Variants in VPS54 observed in about 807,000 individuals in gnomAD.
VPS54 encodes the protein VPS54 subunit of GARP complex, also known as vacuolar protein sorting-associated protein 54.
VPS54 carries 45 observed loss-of-function variants against 121.5 expected under a neutral mutation model. That is an observed-to-expected ratio of 0.37 (90% CI 0.29 to 0.47). The LOEUF is 0.47. Ranked by LOEUF, VPS54 falls within the 20% of genes least tolerant of loss-of-function variation. The pLI, the probability that VPS54 is intolerant of heterozygous loss-of-function variation, is 0.99. For missense variants in VPS54, 1,090 were observed against 1,131.4 expected, an observed-to-expected ratio of 0.96 and a Z score of 0.52; for synonymous variants, 371 against 385.8, an observed-to-expected ratio of 0.96 and a Z score of 0.45.
chr2:63,901,928 T>A (rs1469077203), intron 20 of VPS54, among the ~76,000 whole-genome samples: 1 of 152,124 alleles, frequency 6.6e-6, no homozygotes, highest in Non-Finnish European at 1.5e-5. Flanking sequence ...GGCAGCAGAA[T>A]TGCTTGAACC....
rs555790358 is a variant in VPS54, at chr2:63,965,042, G to C, written c.624+793C>G. 1.3e-3 allele frequency among the ~76,000 whole-genome samples: 203 copies of C among 152,182 alleles called. 1 individual carries two copies. The highest frequency in any genetic ancestry group is 4.7e-3 in the African/African-American group (196 of 41,518). On this transcript the variant is annotated intron_variant, in intron 6 of 22. Coordinates refer to ENST00000272322, the MANE Select transcript of VPS54 (RefSeq NM_016516.3). ...TGACTAGTAACATGTAAAAGACTAG[G>C]CTTTGCAAAGCTACAAAAACAATAG...
chr2:63,908,065 G>C (rs181819739), intron 20 of VPS54, among the ~76,000 whole-genome samples: 2 of 152,082 alleles, frequency 1.3e-5, no homozygotes, highest in Admixed American at 1.3e-4. Context: ...CTTATTCCAA[G>C]GTATTTATAC....
chr2:63,963,266 T>C (rs1161533783), intron 6 of VPS54, among the ~76,000 whole-genome samples: 4 of 152,044 alleles, frequency 2.6e-5, no homozygotes, highest in African/African-American at 9.7e-5. Flanking sequence ...CTCATATATA[T>C]TTTTTTAGTA....
intron 1 of VPS54, among the ~76,000 whole-genome samples, chr2:63,991,235 T>C (rs1164182426): frequency 1.3e-5 from 2 of 152,214 alleles, no homozygotes; most frequent in Non-Finnish European, 2.9e-5. Flanking sequence ...CATGATGAAT[T>C]ATACCCTGAT....
At chr2:63,928,304 C>T (rs909655116) in intron 12 of VPS54, among the ~76,000 whole-genome samples, 1 of 152,216 alleles carries the variant, frequency 6.6e-6, no homozygotes, top group Non-Finnish European at 1.5e-5. Context: ...ATCAGACTAA[C>T]AGCGGATGTC....
chr2:63,932,074 C>G (rs148549062), intron 12 of VPS54, among the ~76,000 whole-genome samples: 5,304 of 152,222 alleles, frequency 0.035, 215 homozygotes, highest in African/African-American at 0.1. Context: ...TTAATTAGTT[C>G]AACCATTGTG....
chr2:63,901,344 A>G (rs1476398682), intron 20 of VPS54, among the ~76,000 whole-genome samples: 1 of 152,240 alleles, frequency 6.6e-6, no homozygotes, highest in African/African-American at 2.4e-5. Flanking sequence ...AGAAGAGGTA[A>G]CCACAAGAGA....
At chr2:63,971,088 G>T (rs1676264343) in intron 4 of VPS54, among the ~76,000 whole-genome samples, 1 of 152,096 alleles carries the variant, frequency 6.6e-6, no homozygotes, top group South Asian at 2.1e-4. Context: ...AGTTGTCCAA[G>T]CAAGAAACCT....
intron 12 of VPS54, among the ~76,000 whole-genome samples, chr2:63,932,534 A>G (rs1005058733): frequency 6.6e-6 from 1 of 152,108 alleles, no homozygotes; most frequent in Non-Finnish European, 1.5e-5. Context: ...GAGGGATAAC[A>G]TTAGGAGAAA....
At chr2:63,936,919 A>G (rs920580924) in intron 11 of VPS54, among the ~76,000 whole-genome samples, 4 of 152,188 alleles carry the variant, frequency 2.6e-5, no homozygotes, top group African/African-American at 4.8e-5. Flanking sequence ...TTTTCAACAA[A>G]TGATACTCGG....
intron 1 of VPS54, among the ~76,000 whole-genome samples, chr2:63,986,571 GAT>G (rs1192580382): frequency 6.6e-6 from 1 of 152,150 alleles, no homozygotes; most frequent in African/African-American, 2.4e-5. Flanking sequence ...AATAAATATG[GAT>G]ATCTCTTCAA....
intron 20 of VPS54, among the ~76,000 whole-genome samples, chr2:63,902,964 T>C (rs1672746245): frequency 6.8e-6 from 1 of 146,884 alleles, no homozygotes; most frequent in African/African-American, 2.5e-5. Flanking sequence ...TGAGACTGTC[T>C]CAAAAAATAA....
intron 2 of VPS54, among the ~76,000 whole-genome samples, chr2:63,982,724 C>T (rs984471007): frequency 5.3e-5 from 8 of 152,276 alleles, no homozygotes; most frequent in Admixed American, 1.3e-4. Flanking sequence ...TTTAGCACTG[C>T]GCTTAGGGGC....
chr2:64,000,884 G>A (rs751805851), intron 1 of VPS54, among the ~76,000 whole-genome samples: 13 of 152,110 alleles, frequency 8.5e-5, no homozygotes, highest in Non-Finnish European at 1.6e-4. Flanking sequence ...CCTGGCTACC[G>A]CCTATGTTTG....
rs140124468 is a variant in VPS54, at chr2:63,913,089, G to GTT, written c.2422+133_2422+134insAA. 6.1e-3 allele frequency: 4,179 copies of GTT among 681,014 alleles called. 115 individuals carry two copies. The highest frequency in any genetic ancestry group is 0.059 in the African/African-American group (3,100 of 52,970). The allele number at this position is 681,014 out of a possible 1,614,324, so 42.2% of individuals were successfully genotyped here. The stretch of plus-strand genomic sequence containing the variant: ...TTCAGTGATGAGTATACATAAAAGA[G>GTT]TAAGTAGCATTTATTTTTAGAGTAA... On this transcript the variant is annotated intron_variant, in intron 18 of 22. Coordinates refer to ENST00000272322, the MANE Select transcript of VPS54 (RefSeq NM_016516.3).
intron 4 of VPS54, among the ~76,000 whole-genome samples, chr2:63,970,210 TATACAC>T (rs1300236844): frequency 2.6e-4 from 26 of 101,594 alleles, no homozygotes; most frequent in East Asian, 6.7e-4. Context: ...AAAATATATA[TATACAC>T]ACACACACAC....
At chr2:63,991,342 T>C (rs1677307359) in intron 1 of VPS54, among the ~76,000 whole-genome samples, 1 of 152,214 alleles carries the variant, frequency 6.6e-6, no homozygotes, top group African/African-American at 2.4e-5. Context: ...ATGTGAACCA[T>C]GAGTGTAAAA....
intron 17 of VPS54, 141 bp from the exon 18 acceptor site, chr2:63,913,451 C>A (rs948941699): frequency 4.3e-6 from 2 of 469,188 alleles, no homozygotes; most frequent in East Asian, 7.1e-5. Flanking sequence ...CAATTAGTAT[C>A]TATTTATTTA....
Position 63,909,413 on chromosome 2 carries a change from CTTTTTTTT to C in VPS54, c.2625+2924_2625+2931del, listed in dbSNP as rs5831673. Among the ~76,000 whole-genome samples, 193 of 69,940 alleles carry C rather than the reference CTTTTTTTT, an allele frequency of 2.8e-3. 1 individual carries two copies. The highest frequency in any genetic ancestry group is 3.8e-3 in the Admixed American group (20 of 5,266). 45.9% of individuals were successfully genotyped at this position (69,940 alleles called of 152,430 possible). A position where few individuals can be genotyped will look rare whatever the true frequency, so the allele number is the denominator to read the frequency against. ...AATGGTACCCTTACTTATTAGCTGC[CTTTTTTTT>C]TTTTTTTTTTTTTTTTTTGAGATGG... On this transcript the variant is annotated intron_variant, in intron 20 of 22. Transcript: ENST00000272322.
Sources: gnomAD v4.1 joint callset for allele counts (sites outside exome capture counted in the v4.1 genomes callset) on GRCh38, gnomAD v4.1.1 for gene constraint, MANE v1.5 for transcripts, NCBI Gene and HGNC (gene_info 2026-07-23, HGNC 2026-07-21) for gene names.